TTC28: variants seen among roughly 807,000 people sequenced by gnomAD.
TTC28 encodes tetratricopeptide repeat protein 28.
Under a neutral mutation model 198.0 loss-of-function variants are expected in TTC28, and 61 were observed. The ratio of observed to expected loss-of-function variants is 0.31; its 90% CI spans 0.25 to 0.38. TTC28 has a LOEUF of 0.38. Ranked by LOEUF, TTC28 falls within the 10% of genes least tolerant of loss-of-function variation. The pLI is 1.00. For synonymous variants in TTC28, 1,171 were observed against 1,297.8 expected (o/e 0.90, Z 2.10); for missense variants, 2,678 against 3,164.0 (o/e 0.85, Z 3.69).
intron 5 of TTC28, among the ~76,000 whole-genome samples, chr22:28,185,889 C>A (rs1454355998): frequency 6.6e-6 from 1 of 152,084 alleles, no homozygotes; most frequent in Non-Finnish European, 1.5e-5. Flanking sequence ...GGATTTAAAT[C>A]CAGGCCTACC....
At chr22:28,618,403 C>A (rs1179038541) in intron 2 of TTC28, among the ~76,000 whole-genome samples, 1 of 151,924 alleles carries the variant, frequency 6.6e-6, no homozygotes, top group African/African-American at 2.4e-5. Flanking sequence ...AAAACCAGGC[C>A]GGGTGCAGTG....
intron 1 of TTC28, among the ~76,000 whole-genome samples, chr22:28,660,970 T>C (rs1050029747): frequency 2.0e-5 from 3 of 152,106 alleles, no homozygotes; most frequent in African/African-American, 7.2e-5. Context: ...ATTAGAATCA[T>C]TCTTTTGCTA....
At chr22:28,654,472 T>C (rs972443424) in intron 1 of TTC28, among the ~76,000 whole-genome samples, 2 of 152,038 alleles carry the variant, frequency 1.3e-5, no homozygotes, top group African/African-American at 4.8e-5. Context: ...GGATTACAGG[T>C]GCCCGCCACC....
chr22:28,421,929 G>A (rs1219960287), intron 2 of TTC28, among the ~76,000 whole-genome samples: 7 of 127,984 alleles, frequency 5.5e-5, no homozygotes, highest in Admixed American at 8.0e-5. Flanking sequence ...GCAAGACTCC[G>A]TCTCAAAAAA....
Position 28,490,223 on chromosome 22 carries a change from A to G in TTC28, c.381+139329T>C, listed in dbSNP as rs144452375. ...CAAGATCAATACTTCACATCCTTCA[A>G]TCCAATCAAGTTGACACTCAGTATT... On this transcript the variant is annotated intron_variant, in intron 2 of 22. Transcript: ENST00000397906. Among the ~76,000 whole-genome samples, 290 of 152,274 alleles carry G rather than the reference A, an allele frequency of 1.9e-3. 2 individuals carry two copies. Among genetic ancestry groups the G allele is most frequent in the Middle Eastern group, 0.014 (4 of 294 alleles).
chr22:28,544,725 G>C (rs936837325), intron 2 of TTC28, among the ~76,000 whole-genome samples: 3 of 152,142 alleles, frequency 2.0e-5, no homozygotes, highest in African/African-American at 7.2e-5. Context: ...GTGACCTCTG[G>C]TCATCCTCAC....
At chr22:28,579,572 CAT>C (rs1491366718) in intron 2 of TTC28, among the ~76,000 whole-genome samples, 1 of 144,662 alleles carries the variant, frequency 6.9e-6, no homozygotes, top group African/African-American at 2.6e-5. Flanking sequence ...TATACAAATG[CAT>C]GTGTGTGTAT....
chr22:28,081,721 A>C (rs937086972), intron 12 of TTC28, among the ~76,000 whole-genome samples: 1 of 152,018 alleles, frequency 6.6e-6, no homozygotes, highest in Non-Finnish European at 1.5e-5. Flanking sequence ...CAAACTGCTG[A>C]CCTCAGATGA....
chr22:28,264,612 T>C (rs16986231), intron 5 of TTC28, among the ~76,000 whole-genome samples: 2,404 of 152,288 alleles, frequency 0.016, 84 homozygotes, highest in African/African-American at 0.056. Flanking sequence ...TGCACATGTA[T>C]GTGTGTGTAC....
At chr22:28,588,141 C>CAAA (rs59061860) in intron 2 of TTC28, among the ~76,000 whole-genome samples, 1 of 138,810 alleles carries the variant, frequency 7.2e-6, no homozygotes. Flanking sequence ...GACTCCGTCT[C>CAAA]AAAAAAAAAA....
chr22:28,296,360 A>C (rs1488617881), intron 4 of TTC28, 32 bp from the exon 5 acceptor site: 1 of 1,484,648 alleles, frequency 6.7e-7, no homozygotes, highest in Non-Finnish European at 8.9e-7. Flanking sequence ...AAAAAGAAAA[A>C]ATTTCTCTAA....
At chr22:28,348,862 T>G (rs1325107554) in intron 2 of TTC28, among the ~76,000 whole-genome samples, 1 of 152,236 alleles carries the variant, frequency 6.6e-6, no homozygotes, top group Non-Finnish European at 1.5e-5. Context: ...AATTCCCTGA[T>G]GCTCACTCTT....
In TTC28 at chr22:28,607,566, G is replaced by A. The variant is rs563601367; in HGVS notation, c.381+21986C>T. On this transcript the variant is annotated intron_variant, in intron 2 of 22. Transcript: ENST00000397906. ...ATTGTAAATATTTATTCTGAATACA[G>A]TGTTTGACTCATAACTGATTTTTTT... 2.0e-5 allele frequency among the ~76,000 whole-genome samples: 3 copies of A among 152,162 alleles called. No individual in the cohort carries two copies. In the East Asian group the frequency reaches 5.8e-4, roughly 29 times the overall value.
chr22:28,307,473 C>T (rs1015756539), intron 2 of TTC28, among the ~76,000 whole-genome samples: 3 of 152,012 alleles, frequency 2.0e-5, no homozygotes, highest in African/African-American at 7.2e-5. Context: ...AGTGCAGTGG[C>T]GCAATCCTAG....
At chr22:28,276,715 A>C (rs2044479853) in intron 5 of TTC28, among the ~76,000 whole-genome samples, 1 of 152,174 alleles carries the variant, frequency 6.6e-6, no homozygotes, top group Non-Finnish European at 1.5e-5. Flanking sequence ...CTCAGGCTTA[A>C]AGAAGTTTAA....
intron 2 of TTC28, among the ~76,000 whole-genome samples, chr22:28,450,120 G>A (rs1239932188): frequency 6.6e-6 from 1 of 152,030 alleles, no homozygotes; most frequent in East Asian, 1.9e-4. Flanking sequence ...ATATAGATAT[G>A]GATAAATAGA....
At chr22:28,170,558 C>G (rs1922570370) in intron 5 of TTC28, among the ~76,000 whole-genome samples, 1 of 151,914 alleles carries the variant, frequency 6.6e-6, no homozygotes, top group Admixed American at 6.6e-5. Context: ...AGGAAATTCA[C>G]AGGAGAAATC....
rs774931308 is a variant in TTC28, at chr22:27,980,301, T to C, written c.*1920A>G. 2.0e-5 allele frequency: 3 copies of C among 152,254 alleles called. No homozygotes were observed. The highest frequency in any genetic ancestry group is 2.9e-5 in the Non-Finnish European group (2 of 68,040). 9.4% of individuals were successfully genotyped at this position (152,254 alleles called of 1,614,324 possible). On this transcript the variant is annotated 3_prime_UTR_variant, in exon 23 of 23. Transcript: ENST00000397906. ...GTACTTTTATTACCATTTTTTCCCC[T>C]ACTAACATAAAGAAACCCTCATAAT...
intron 2 of TTC28, among the ~76,000 whole-genome samples, chr22:28,599,573 G>A (rs1177400442): frequency 6.6e-6 from 1 of 152,134 alleles, no homozygotes; most frequent in African/African-American, 2.4e-5. Context: ...AGGATCCCTT[G>A]AGGCCAGGAG....
Sources: allele counts gnomAD v4.1 joint callset (sites outside exome capture counted in the v4.1 genomes callset), GRCh38; gene constraint gnomAD v4.1.1; transcripts MANE v1.5; gene names NCBI Gene and HGNC (gene_info 2026-07-23, HGNC 2026-07-21).